JMY: variants seen among roughly 807,000 people sequenced by gnomAD.
JMY encodes junction-mediating and -regulatory protein.
A neutral mutation model predicts 103.3 loss-of-function variants in JMY; 46 were observed. The ratio of observed to expected loss-of-function variants is 0.45; its 90% CI spans 0.35 to 0.57. The LOEUF is 0.57. JMY is among the 20% of genes least tolerant of loss of function. The pLI is 0.00. For synonymous variants in JMY, 526 were observed against 489.3 expected, an observed-to-expected ratio of 1.07 and a Z score of -0.99; for missense variants, 1,238 against 1,255.2, an observed-to-expected ratio of 0.99 and a Z score of 0.21.
chr5:79,282,806 A>T (rs1172797233), intron 2 of JMY, among the ~76,000 whole-genome samples: 1 of 152,158 alleles, frequency 6.6e-6, no homozygotes, highest in Non-Finnish European at 1.5e-5. Flanking sequence ...GGGATTGAAC[A>T]CGTGTTTGAT....
chr5:79,314,631 T>TCCCCCCCCCCCCCCCC lies in JMY; in HGVS notation c.2444_2445insCCCCCCCCCCCCCCCC (p.Pro821ThrfsTer15). 7.2e-6 allele frequency: 7 copies of TCCCCCCCCCCCCCCCC among 978,582 alleles called. No individual in the cohort carries two copies. Among genetic ancestry groups the TCCCCCCCCCCCCCCCC allele is most frequent in the South Asian group, 2.6e-5 (2 of 77,364 alleles). The allele number at this position is 978,582 out of a possible 1,614,324, so 60.6% of individuals were successfully genotyped here. A position where few individuals can be genotyped will look rare whatever the true frequency, so the allele number is the denominator to read the frequency against. On this transcript the variant is annotated frameshift_variant, in exon 9 of 11. Transcript: ENST00000396137. LOFTEE classifies it high-confidence loss of function. ...CCCCTCTTCCTCCAACACCACCACC[T>TCCCCCCCCCCCCCCCC]CCCCCACCTCCTCCCCCTCCCCCAC...
chr5:79,282,745 A>G (rs1275651656), intron 2 of JMY, among the ~76,000 whole-genome samples: 1 of 152,160 alleles, frequency 6.6e-6, no homozygotes, highest in Non-Finnish European at 1.5e-5. Context: ...ACTTAATTGA[A>G]TCTTCACACC....
rs1561310401 is a variant in JMY at position 79,300,599 on chromosome 5, A to G, written c.1694-77A>G. On this transcript the variant is annotated intron_variant, in intron 5 of 10. Coordinates refer to ENST00000396137, the MANE Select transcript of JMY (RefSeq NM_152405.5). Reference sequence around the variant, plus strand: ...TTTGCCTGAGGTTGCAGAGCCAGTAATGAGATTAGAACCTTGTTCTTTCCA... The same window carrying G: ...TTTGCCTGAGGTTGCAGAGCCAGTAGTGAGATTAGAACCTTGTTCTTTCCA... 29 of 1,171,474 alleles carry G rather than the reference A, an allele frequency of 2.5e-5. 1 individual carries two copies. Among genetic ancestry groups the G allele is most frequent in the South Asian group, 1.6e-4 (10 of 63,518 alleles). The allele number at this position is 1,171,474 out of a possible 1,614,324, so 72.6% of individuals were successfully genotyped here. A position where few individuals can be genotyped will look rare whatever the true frequency, so the allele number is the denominator to read the frequency against.
chr5:79,301,339 G>T (rs1746728540), intron 6 of JMY, among the ~76,000 whole-genome samples: 1 of 152,116 alleles, frequency 6.6e-6, no homozygotes, highest in Non-Finnish European at 1.5e-5. Context: ...GTTAACTATC[G>T]TGGAGCTGTT....
chr5:79,322,106 T>C lies in JMY; in HGVS notation c.*504T>C, dbSNP rs1306543338. On this transcript the variant is annotated 3_prime_UTR_variant, in exon 11 of 11. Transcript: ENST00000396137. ...CATCATGATAGCTGTAAGTCAGGCA[T>C]TAAAATCAAATGGAAATACACCTAA... The C allele has an allele frequency of 6.6e-6, 1 of 152,222 alleles. No individual in the cohort carries two copies. Among genetic ancestry groups the C allele is most frequent in the Non-Finnish European group, 1.5e-5 (1 of 68,046 alleles). 9.4% of individuals were successfully genotyped at this position (152,222 alleles called of 1,614,324 possible).
chr5:79,252,277 C>T (rs1745110254), intron 1 of JMY, among the ~76,000 whole-genome samples: 1 of 149,744 alleles, frequency 6.7e-6, no homozygotes, highest in Non-Finnish European at 1.5e-5. Flanking sequence ...TTCCATAATT[C>T]CTCTTGTTAG....
intron 1 of JMY, among the ~76,000 whole-genome samples, chr5:79,270,857 T>C (rs1350251324): frequency 2.0e-5 from 3 of 151,812 alleles, no homozygotes; most frequent in Admixed American, 6.6e-5. Context: ...TTTTGTGAAA[T>C]GCATTTTCTG....
intron 1 of JMY, among the ~76,000 whole-genome samples, chr5:79,253,850 A>G (rs1207988878): frequency 6.6e-6 from 1 of 151,588 alleles, no homozygotes; most frequent in African/African-American, 2.4e-5. Context: ...ATTTTTTTGT[A>G]GAAATGGGGT....
intron 1 of JMY, among the ~76,000 whole-genome samples, chr5:79,270,156 T>C (rs911413390): frequency 1.3e-5 from 2 of 151,884 alleles, no homozygotes; most frequent in Non-Finnish European, 2.9e-5. Flanking sequence ...TCTTTTGTTA[T>C]TGCATTAATT....
At chr5:79,260,176 C>T (rs1745379183) in intron 1 of JMY, among the ~76,000 whole-genome samples, 1 of 152,256 alleles carries the variant, frequency 6.6e-6, no homozygotes, top group African/African-American at 2.4e-5. Context: ...CTGTACCCTT[C>T]AGCCAGGTGC....
rs1348565991 is a variant in JMY at position 79,323,667 on chromosome 5, C to G, written c.*2065C>G. Reference sequence around the variant, plus strand: ...CAAATTCAGAAAAATACGGACGGATCTAATGTTAAATTAACCAGAAACCCT... The same window carrying G: ...CAAATTCAGAAAAATACGGACGGATGTAATGTTAAATTAACCAGAAACCCT... On this transcript the variant is annotated 3_prime_UTR_variant, in exon 11 of 11. Coordinates refer to ENST00000396137, the MANE Select transcript of JMY (RefSeq NM_152405.5). The G allele has an allele frequency of 3.3e-5, 5 of 152,140 alleles. No individual in the cohort carries two copies. The highest frequency in any genetic ancestry group is 7.3e-5 in the Non-Finnish European group (5 of 68,034). 9.4% of individuals were successfully genotyped at this position (152,140 alleles called of 1,614,324 possible).
intron 1 of JMY, among the ~76,000 whole-genome samples, chr5:79,250,980 A>G (rs1354864505): frequency 2.6e-5 from 4 of 152,282 alleles, no homozygotes; most frequent in South Asian, 2.1e-4. Context: ...ACTGCCTATA[A>G]TTCTTCACTT....
intron 1 of JMY, among the ~76,000 whole-genome samples, chr5:79,239,689 T>TA (rs1744672926): frequency 6.6e-6 from 1 of 151,796 alleles, no homozygotes; most frequent in Non-Finnish European, 1.5e-5. Context: ...CGGGCACCTG[T>TA]AGTCCTAGCT....
intron 1 of JMY, among the ~76,000 whole-genome samples, chr5:79,276,957 A>G (rs1279846463): frequency 2.0e-5 from 3 of 152,078 alleles, no homozygotes; most frequent in Non-Finnish European, 2.9e-5. Flanking sequence ...GGCCTGCCTC[A>G]AACTCTTGGC....
intron 1 of JMY, among the ~76,000 whole-genome samples, chr5:79,268,736 C>T (rs1745658518): frequency 6.6e-6 from 1 of 152,198 alleles, no homozygotes; most frequent in South Asian, 2.1e-4. Flanking sequence ...GATCCACCCG[C>T]CTCGGCTTCC....
chr5:79,285,329 G>C (rs904870534), intron 2 of JMY, among the ~76,000 whole-genome samples: 1 of 151,136 alleles, frequency 6.6e-6, no homozygotes, highest in Non-Finnish European at 1.5e-5. Context: ...TTAGGAAAGA[G>C]CCCTTTTTCA....
chr5:79,258,376 T>C (rs549693864), intron 1 of JMY, among the ~76,000 whole-genome samples: 1 of 145,486 alleles, frequency 6.9e-6, no homozygotes, highest in East Asian at 2.1e-4. Context: ...TACGGGATCC[T>C]TGGGGTGTCG....
At chr5:79,315,900 C>T (rs561744715) in intron 9 of JMY, 100 bp from the exon 10 acceptor site, 162 of 934,122 alleles carry the variant, frequency 1.7e-4, no homozygotes, top group East Asian at 1.4e-4. Flanking sequence ...GGTGTTTCAG[C>T]GTCCTGTGCT....
intron 1 of JMY, among the ~76,000 whole-genome samples, chr5:79,251,097 G>T (rs1745071898): frequency 1.3e-5 from 2 of 152,086 alleles, no homozygotes; most frequent in Admixed American, 1.3e-4. Context: ...TTATTTGACT[G>T]TGGAGGGTGG....
Sources: gnomAD v4.1 joint callset for allele counts (sites outside exome capture counted in the v4.1 genomes callset) on GRCh38, gnomAD v4.1.1 for gene constraint, MANE v1.5 for transcripts, NCBI Gene and HGNC (gene_info 2026-07-23, HGNC 2026-07-21) for gene names.